The following MED17 variants were observed in gnomAD, a reference collection of about 807,000 sequenced individuals.
The protein encoded by MED17 is mediator complex subunit 17.
Under a neutral mutation model 80.8 loss-of-function variants are expected in MED17, and 49 were observed. The ratio of observed to expected loss-of-function variants is 0.61; its 90% confidence interval spans 0.48 to 0.77. MED17 has a LOEUF of 0.77. Among genes scored for constraint, MED17 ranks in the 30% least tolerant of loss-of-function variants. The pLI is 0.00. For synonymous variants in MED17, 281 were observed against 280.4 expected, an observed-to-expected ratio of 1.00 and a Z score of -0.02; for missense variants, 718 against 787.0, an observed-to-expected ratio of 0.91 and a Z score of 1.05.
intron 11 of MED17, chr11:93,810,551 C>T (rs142559898): frequency 0.015 from 2,264 of 152,572 alleles, 31 homozygotes; most frequent in Middle Eastern, 0.047. Flanking sequence ...TTAGTAGAGA[C>T]GGGGTTTTGC....
rs373339299 is a variant in MED17 at position 93,799,396 on chromosome 11, G to A, written c.1328+1677G>A. Among the ~76,000 whole-genome samples, 148 of 152,248 alleles carry A rather than the reference G, an allele frequency of 9.7e-4. 1 individual carries two copies. The highest frequency in any genetic ancestry group is 3.2e-3 in the African/African-American group (131 of 41,558). ...TCACCATGTTGGCCAGGCTGGTCCC[G>A]AACTCCTGACCTCAAGTGATCCACC... On this transcript the variant is annotated intron_variant, in intron 8 of 11. Coordinates refer to ENST00000251871, the MANE Select transcript of MED17 (RefSeq NM_004268.5).
intron 8 of MED17, among the ~76,000 whole-genome samples, chr11:93,798,456 AGAT>A (rs1565291486): frequency 6.6e-6 from 1 of 152,202 alleles, no homozygotes; most frequent in East Asian, 1.9e-4. Context: ...GTCATTAAAT[AGAT>A]GATATTTTAT....
intron 8 of MED17, among the ~76,000 whole-genome samples, chr11:93,799,623 A>G (rs1943940849): frequency 6.6e-6 from 1 of 152,374 alleles, no homozygotes; most frequent in African/African-American, 2.4e-5. Flanking sequence ...AAAAATAAAA[A>G]AAATTAGCCA....
At chr11:93,809,582 G>T in intron 10 of MED17, 135 bp from the exon 11 acceptor site, 2 of 885,938 alleles carry the variant, frequency 2.3e-6, no homozygotes, top group Non-Finnish European at 3.7e-6. Context: ...CGCACAGGAG[G>T]ATTCCTCAGA....
chr11:93,806,546 A>T (rs1376484447), intron 9 of MED17: 1 of 152,174 alleles, frequency 6.6e-6, no homozygotes, highest in African/African-American at 2.4e-5. Context: ...ACCTAAGCCA[A>T]ATTAATGGAG....
chr11:93,794,810 T>C (rs1943883144), intron 5 of MED17, 98 bp from the exon 6 acceptor site: 9 of 1,321,712 alleles, frequency 6.8e-6, no homozygotes, highest in South Asian at 2.4e-5. Context: ...TAATGTAGTG[T>C]TTTCCTAAAC....
At chr11:93,802,590 T>G (rs1293492647) in intron 9 of MED17, among the ~76,000 whole-genome samples, 4 of 152,188 alleles carry the variant, frequency 2.6e-5, no homozygotes, top group African/African-American at 2.4e-5. Flanking sequence ...CTTTTGAGAT[T>G]CCAGGTCTGC....
At chr11:93,809,147 T>G (rs557011145) in intron 10 of MED17, 2 of 168,588 alleles carry the variant, frequency 1.2e-5, no homozygotes, top group African/African-American at 4.8e-5. Flanking sequence ...AAGGACAGAT[T>G]ACAAGAACCC....
rs900306213 is a variant in MED17 at position 93,812,270 on chromosome 11, T to C, written c.*206T>C. On this transcript the variant is annotated 3_prime_UTR_variant, in exon 12 of 12. Transcript: ENST00000251871. ...ATGCAGAAGTTTATGTACAGTTGTA[T>C]ATACAGTATGACAAGATGTAAAATA... 18 of 612,110 alleles carry C rather than the reference T, an allele frequency of 2.9e-5. No individual in the cohort carries two copies. Among genetic ancestry groups the C allele is most frequent in the Middle Eastern group, 4.3e-4 (1 of 2,314 alleles). 37.9% of individuals were successfully genotyped at this position (612,110 alleles called of 1,614,324 possible).
intron 11 of MED17, chr11:93,810,606 G>T (rs628665): frequency 0.77 from 117,470 of 152,220 alleles, 47,501 homozygotes; most frequent in Non-Finnish European, 0.88. Context: ...CAGATGATCT[G>T]CCTGCCTCGG....
intron 9 of MED17, chr11:93,807,035 A>C (rs549422586): frequency 5.8e-6 from 1 of 172,590 alleles, no homozygotes; most frequent in Non-Finnish European, 1.2e-5. Flanking sequence ...AGTGTGGTCT[A>C]TGGTATTCTG....
intron 9 of MED17, 47 bp downstream of exon 9, chr11:93,802,019 A>G (rs775766418): frequency 3.9e-6 from 6 of 1,544,064 alleles, no homozygotes; most frequent in African/African-American, 1.4e-5. Context: ...TTAATTTGCT[A>G]TTGATGTTTG....
intron 9 of MED17, among the ~76,000 whole-genome samples, chr11:93,804,221 T>C (rs1944001014): frequency 6.6e-6 from 1 of 151,894 alleles, no homozygotes; most frequent in Non-Finnish European, 1.5e-5. Flanking sequence ...GAGAAAGATG[T>C]AGGCTGGGAG....
At chr11:93,788,246 T>A in intron 2 of MED17, 79 bp downstream of exon 2, 1 of 1,231,406 alleles carries the variant, frequency 8.1e-7, no homozygotes, top group Non-Finnish European at 1.2e-6. Context: ...TGCCTGTTGT[T>A]CCATTTTCCT....
intron 1 of MED17, among the ~76,000 whole-genome samples, chr11:93,785,510 G>A (rs1210239918): frequency 6.6e-6 from 1 of 152,114 alleles, no homozygotes; most frequent in Non-Finnish European, 1.5e-5. Flanking sequence ...ATTTAAAGAT[G>A]TCATTTCAGG....
intron 10 of MED17, chr11:93,809,400 A>T: frequency 2.5e-6 from 1 of 396,102 alleles, no homozygotes; most frequent in Non-Finnish European, 4.8e-6. Context: ...TAGGCAGTGG[A>T]TTTGAAGGGG....
At position 93,784,372 on chromosome 11, in the gene MED17, T is replaced by C; in HGVS notation, c.-142T>C. The C allele has an allele frequency of 3.7e-6, 4 of 1,069,862 alleles. No homozygotes were observed. Among genetic ancestry groups the C allele is most frequent in the Non-Finnish European group, 5.2e-6 (4 of 765,924 alleles). The allele number at this position is 1,069,862 out of a possible 1,614,324, so 66.3% of individuals were successfully genotyped here. A position where few individuals can be genotyped will look rare whatever the true frequency, so the allele number is the denominator to read the frequency against. On this transcript the variant is annotated 5_prime_UTR_variant, in exon 1 of 12. Transcript: ENST00000251871. ...AGCTCCTTTGTTTCCAGTCTGAGCGTTGCGTTCGGTTTCCCGAGGGTCTTC... is the reference window on the plus strand; with the variant it reads ...AGCTCCTTTGTTTCCAGTCTGAGCGCTGCGTTCGGTTTCCCGAGGGTCTTC...
intron 9 of MED17, chr11:93,806,577 T>G (rs1286958125): frequency 6.6e-6 from 1 of 152,200 alleles, no homozygotes; most frequent in African/African-American, 2.4e-5. Context: ...CTGACTTGTT[T>G]GCTGATTATT....
intron 11 of MED17, chr11:93,810,090 G>A (rs1320209883): frequency 1.8e-6 from 1 of 548,390 alleles, no homozygotes; most frequent in Non-Finnish European, 3.2e-6. Flanking sequence ...TAGATTGGCA[G>A]CACATTTTCC....
Sources: allele counts gnomAD v4.1 joint callset (sites outside exome capture counted in the v4.1 genomes callset), GRCh38; gene constraint gnomAD v4.1.1; transcripts MANE v1.5; gene names NCBI Gene and HGNC (gene_info 2026-07-23, HGNC 2026-07-21).